ICE2: variants seen among roughly 807,000 people sequenced by gnomAD.
ICE2 encodes the protein interactor of little elongation complex ELL subunit 2.
Under a neutral mutation model 105.4 loss-of-function variants are expected in ICE2, and 87 were observed. The observed-to-expected ratio is 0.83, with a 90% CI of 0.69 to 0.99. The LOEUF (loss-of-function observed/expected upper bound fraction) is 0.99. Among genes scored for constraint, ICE2 ranks in the 50% least tolerant of loss-of-function variants. The probability of loss-of-function intolerance (pLI) is 0.00; values close to 1 mark genes in which losing one functional copy is unlikely to be tolerated. For missense variants in ICE2, 1,323 were observed against 1,146.7 expected (o/e 1.15, Z -2.22); for synonymous variants, 399 against 392.0 (o/e 1.02, Z -0.21).
At chr15:60,437,462 G>C (rs913492962) in intron 12 of ICE2, among the ~76,000 whole-genome samples, 1 of 151,332 alleles carries the variant, frequency 6.6e-6, no homozygotes, top group Non-Finnish European at 1.5e-5. Context: ...CTGCCGAGTA[G>C]ATGGGATTAC....
chr15:60,434,921 ATGTT>A, intron 13 of ICE2, among the ~76,000 whole-genome samples: 1 of 152,322 alleles, frequency 6.6e-6, no homozygotes, highest in Middle Eastern at 3.4e-3. Context: ...ACAAAGATAA[ATGTT>A]TGAGGTGAAG....
At chr15:60,426,425 C>T (rs1035347650) in intron 15 of ICE2, among the ~76,000 whole-genome samples, 4 of 152,166 alleles carry the variant, frequency 2.6e-5, no homozygotes, top group African/African-American at 9.7e-5. Context: ...TAGTAGACTA[C>T]ACCCTCTAGG....
intron 8 of ICE2, 65 bp downstream of exon 8, chr15:60,454,938 G>T: frequency 1.5e-6 from 2 of 1,365,420 alleles, no homozygotes; most frequent in South Asian, 1.5e-5. Context: ...TCCTATTTAT[G>T]AGTGAGAACA....
At chr15:60,442,373 C>T (rs760119338) in intron 12 of ICE2, 43 bp downstream of exon 12, 3 of 1,525,274 alleles carry the variant, frequency 2.0e-6, no homozygotes, top group Non-Finnish European at 1.8e-6. Context: ...TATGTAATTA[C>T]AAGAAAATTA....
At chr15:60,458,801 A>G (rs565758907) in intron 5 of ICE2, among the ~76,000 whole-genome samples, 1 of 152,280 alleles carries the variant, frequency 6.6e-6, no homozygotes, top group East Asian at 1.9e-4. Context: ...ATTCTGACAC[A>G]TGCTACTACT....
At chr15:60,429,936 G>A (rs2063419305) in intron 14 of ICE2, among the ~76,000 whole-genome samples, 1 of 152,156 alleles carries the variant, frequency 6.6e-6, no homozygotes, top group African/African-American at 2.4e-5. Flanking sequence ...TGGAGAATGA[G>A]AGATACTCTA....
intron 5 of ICE2, among the ~76,000 whole-genome samples, chr15:60,465,698 A>ATT: frequency 2.7e-3 from 1 of 370 alleles, no homozygotes; most frequent in Middle Eastern, 0.5. Flanking sequence ...TCTACTACAA[A>ATT]TATGTGTGTG....
intron 15 of ICE2, among the ~76,000 whole-genome samples, chr15:60,425,509 C>T (rs1005836062): frequency 6.6e-6 from 1 of 152,156 alleles, no homozygotes; most frequent in African/African-American, 2.4e-5. Flanking sequence ...AGACTGGAAG[C>T]AGAAGTCAAA....
intron 13 of ICE2, 36 bp from the exon 14 acceptor site, chr15:60,432,020 G>T: frequency 8.3e-7 from 1 of 1,206,308 alleles, no homozygotes; most frequent in Non-Finnish European, 1.2e-6. Flanking sequence ...AAATTAAACT[G>T]CAAAAAACTT....
At chr15:60,450,516 C>T (rs562375371) in intron 9 of ICE2, among the ~76,000 whole-genome samples, 2 of 152,306 alleles carry the variant, frequency 1.3e-5, no homozygotes, top group East Asian at 3.9e-4. Flanking sequence ...ACACTGTCCC[C>T]TCTACAAGGA....
chr15:60,423,741 T>C lies in ICE2; in HGVS notation c.2842A>G (p.Thr948Ala), dbSNP rs201631516. ...QQKIGGTRMP[T>A]RSHRNPVSME... Reference sequence around the variant, plus strand: ...GAAACTGGATTCCTGTGGCTGCGTGTAGGCATTCTCGTTCCACCAATCTAA... The same window carrying C: ...GAAACTGGATTCCTGTGGCTGCGTGCAGGCATTCTCGTTCCACCAATCTAA... Residue 948 changes from threonine to alanine, a missense_variant, in exon 16 of 16, where the codon ACA becomes GCA. Physicochemically the swap from Thr to Ala is moderately conservative, Grantham distance 58. Coordinates refer to ENST00000261520, the MANE Select transcript of ICE2 (RefSeq NM_024611.6). The C allele has an allele frequency of 1.4e-4, 221 of 1,596,768 alleles. No homozygotes were observed. The highest frequency in any genetic ancestry group is 1.7e-4 in the Non-Finnish European group (199 of 1,174,698).
chr15:60,439,086 G>C (rs1017378374), intron 12 of ICE2: 9 of 152,120 alleles, frequency 5.9e-5, no homozygotes, highest in African/African-American at 2.2e-4. Flanking sequence ...TCCTTGCTTT[G>C]CATGCAGTGT....
chr15:60,433,009 T>C (rs1391614302), intron 13 of ICE2, among the ~76,000 whole-genome samples: 5 of 152,076 alleles, frequency 3.3e-5, no homozygotes, highest in Admixed American at 3.3e-4. Context: ...TCCAAAAAAA[T>C]TGATAGGTAC....
chr15:60,465,699 T>TAC (rs1219196220), intron 5 of ICE2, among the ~76,000 whole-genome samples: 3 of 149,228 alleles, frequency 2.0e-5, no homozygotes, highest in Non-Finnish European at 4.5e-5. Flanking sequence ...CTACTACAAA[T>TAC]ATGTGTGTGT....
intron 9 of ICE2, chr15:60,451,646 C>G: frequency 1.0e-6 from 1 of 982,112 alleles, no homozygotes; most frequent in Non-Finnish European, 1.2e-6. Context: ...AAGCATTTTA[C>G]TCCAAGTTCA....
At chr15:60,464,246 G>C (rs1390137151) in intron 5 of ICE2, among the ~76,000 whole-genome samples, 2 of 152,142 alleles carry the variant, frequency 1.3e-5, no homozygotes. Context: ...TGTTAATAAA[G>C]TACAGTTTTA....
At chr15:60,460,114 T>C (rs1329730722) in intron 5 of ICE2, among the ~76,000 whole-genome samples, 2 of 152,124 alleles carry the variant, frequency 1.3e-5, no homozygotes, top group Non-Finnish European at 2.9e-5. Flanking sequence ...ACCCATGATC[T>C]CAGGACTACA....
chr15:60,436,312 G>C, intron 12 of ICE2, 85 bp from the exon 13 acceptor site: 1 of 471,870 alleles, frequency 2.1e-6, no homozygotes, highest in East Asian at 3.5e-5. Context: ...TCTCCTTAAA[G>C]ATTACAAATT....
intron 12 of ICE2, chr15:60,440,658 G>C (rs1437208979): frequency 6.6e-6 from 1 of 152,102 alleles, no homozygotes; most frequent in East Asian, 1.9e-4. Flanking sequence ...CCAGGGTGGG[G>C]CCAGCAATCT....
Sources: gnomAD v4.1 joint callset for allele counts (sites outside exome capture counted in the v4.1 genomes callset) on GRCh38, gnomAD v4.1.1 for gene constraint, MANE v1.5 for transcripts, NCBI Gene and HGNC (gene_info 2026-07-23, HGNC 2026-07-21) for gene names.